The following ZNF624 variants were observed in gnomAD, a reference collection of about 807,000 sequenced individuals.
ZNF624 encodes zinc finger protein 624.
In ZNF624, 43 loss-of-function variants were observed where a neutral mutation model predicts 74.7. The ratio of observed to expected loss-of-function variants is 0.58; its 90% CI spans 0.45 to 0.74. The LOEUF (loss-of-function observed/expected upper bound fraction) is 0.74, where lower values mean the gene tolerates loss of function less well. Among genes scored for constraint, ZNF624 ranks in the 30% least tolerant of loss-of-function variants. The pLI is 0.00. For synonymous variants in ZNF624, 331 were observed against 341.3 expected (o/e 0.97, Z 0.33); for missense variants, 820 against 1,030.0 (o/e 0.80, Z 2.79).
intron 3 of ZNF624, among the ~76,000 whole-genome samples, chr17:16,635,560 T>C (rs911712189): frequency 6.6e-6 from 1 of 152,144 alleles, no homozygotes; most frequent in Admixed American, 6.5e-5. Flanking sequence ...GGAACTATTT[T>C]GAGTGACTTT....
downstream of ZNF624, chr17:16,617,909 T>TG: frequency 6.8e-7 from 1 of 1,473,624 alleles, no homozygotes; most frequent in Non-Finnish European, 9.3e-7. Context: ...GCCCAAGGGC[T>TG]GGTTGTGGAA....
intron 4 of ZNF624, 95 bp from the exon 5 acceptor site, chr17:16,634,052 C>T (rs1909268851): frequency 1.0e-6 from 1 of 953,962 alleles, no homozygotes; most frequent in Non-Finnish European, 1.6e-6. Context: ...GGCAGAATGA[C>T]CATTACAGGA....
chr17:16,622,677 C>A lies in ZNF624; in HGVS notation c.2209G>T (p.Val737Leu). The A allele has an allele frequency of 6.2e-7, 1 of 1,613,908 alleles. No homozygotes were observed. The highest frequency in any genetic ancestry group is 8.5e-7 in the Non-Finnish European group (1 of 1,179,948). Residue 737 changes from valine to leucine, a missense_variant, in exon 6 of 6, where the codon GTA (valine) becomes TTA (leucine). By Grantham distance (32) the Val-to-Leu change is conservative (BLOSUM62 1). Transcript: ENST00000311331. ...NDCGKAFSQM[V>L]HVTEHQKIHS... ...ATTTTCTGATGTTCTGTGACATGTA[C>A]CATCTGGCTAAATGCTTTCCCACAG...
chr17:16,632,876 A>C (rs1419340468), intron 5 of ZNF624, among the ~76,000 whole-genome samples: 1 of 152,190 alleles, frequency 6.6e-6, no homozygotes, highest in Non-Finnish European at 1.5e-5. Flanking sequence ...CTTATTCTGT[A>C]CCAGTTTCCC....
chr17:16,644,567 T>C (rs1255362297), intron 3 of ZNF624, among the ~76,000 whole-genome samples: 1 of 152,210 alleles, frequency 6.6e-6, no homozygotes, highest in African/African-American at 2.4e-5. Context: ...CCAGAAATCA[T>C]AAGCCTCATA....
intron 3 of ZNF624, among the ~76,000 whole-genome samples, chr17:16,643,076 G>T (rs1477715036): frequency 1.3e-5 from 2 of 152,212 alleles, no homozygotes; most frequent in Non-Finnish European, 2.9e-5. Flanking sequence ...TTGCTGGTGG[G>T]AATGTAATAT....
At chr17:16,619,408 G>A (rs778684050), downstream of ZNF624, among the ~76,000 whole-genome samples, 1 of 152,118 alleles carries the variant, frequency 6.6e-6, no homozygotes, top group Non-Finnish European at 1.5e-5. Context: ...AGAGTGAAAA[G>A]GTAAGCTGCA....
Position 16,623,145 on chromosome 17 carries a change from C to A in ZNF624, c.1741G>T (p.Glu581Ter). The change falls in exon 6 of 6, where the codon GAG (glutamate) becomes TAG (stop). Residue 581 changes from glutamate (E) to a stop codon, truncating the protein, a stop_gained. Transcript: ENST00000311331. LOFTEE classifies it high-confidence loss of function. The surrounding 1 kb of genome is among the most constrained non-coding windows in gnomAD (Gnocchi z 5.3). Reference protein sequence around the residue: ...LIIHQRIHTEEKPYLCNECGE... With the variant: ...LIIHQRIHTE ...CATTCATTGCACAGATAAGGTTTCT[C>A]TTCAGTATGAATACGCTGATGTATA... is the stretch of plus-strand genomic sequence containing the variant. 6.2e-7 allele frequency: 1 copy of A among 1,613,974 alleles called. No homozygotes were observed. Among genetic ancestry groups the A allele is most frequent in the Non-Finnish European group, 8.5e-7 (1 of 1,179,954 alleles).
At chr17:16,633,748 T>G in intron 5 of ZNF624, 114 bp downstream of exon 5, 9 of 755,724 alleles carry the variant, frequency 1.2e-5, no homozygotes, top group Non-Finnish European at 1.7e-5. Context: ...TCTCTTCCTC[T>G]GAGACAGCGT....
chr17:16,649,099 G>A (rs936810350), intron 2 of ZNF624, among the ~76,000 whole-genome samples: 3 of 152,022 alleles, frequency 2.0e-5, no homozygotes, highest in Non-Finnish European at 4.4e-5. Context: ...CCCAAATAAT[G>A]TAATTATTAC....
At chr17:16,651,245 G>A (rs753787569) in intron 1 of ZNF624, among the ~76,000 whole-genome samples, 5 of 151,890 alleles carry the variant, frequency 3.3e-5, no homozygotes, top group Non-Finnish European at 5.9e-5. Flanking sequence ...TGGCTGACAC[G>A]GTGAAACCCT....
intron 5 of ZNF624, among the ~76,000 whole-genome samples, chr17:16,626,437 A>T (rs1909074494): frequency 6.6e-6 from 1 of 151,956 alleles, no homozygotes; most frequent in Non-Finnish European, 1.5e-5. Context: ...TATCTGATAA[A>T]AAAAAAAGTT....
intron 5 of ZNF624, among the ~76,000 whole-genome samples, chr17:16,630,362 A>G (rs9906728): frequency 0.23 from 35,182 of 151,800 alleles, 4,545 homozygotes; most frequent in East Asian, 0.35. Context: ...ATCCAGACCA[A>G]CCTAGCCAAC....
Position 16,623,200 on chromosome 17 carries a change from T to G in ZNF624, c.1686A>C (p.Gly562=). 2 of 1,613,912 alleles carry G rather than the reference T, an allele frequency of 1.2e-6. No homozygotes were observed. Among genetic ancestry groups the G allele is most frequent in the Non-Finnish European group, 1.7e-6 (2 of 1,179,920 alleles). Residue 562 remains glycine, a synonymous_variant, in exon 6 of 6, where the codon GGA becomes GGC. Transcript: ENST00000311331. This position sits in a 1 kb window ranked among gnomAD's most constrained non-coding sequence, Gnocchi z 5.3. ...GEKPYKCTEC[G]KAFMRSSSLI... ...GAGAAGAAGAACGCATGAAGGCCTT[T>G]CCACATTCAGTACATTTATAAGGTT...
chr17:16,624,943 G>A (rs1287107427), intron 5 of ZNF624, among the ~76,000 whole-genome samples: 2 of 150,134 alleles, frequency 1.3e-5, no homozygotes, highest in Non-Finnish European at 3.0e-5. Flanking sequence ...AGGCTGAGGT[G>A]GGAGGACTGC....
downstream of ZNF624, chr17:16,617,832 G>A: frequency 6.2e-7 from 1 of 1,611,526 alleles, no homozygotes; most frequent in Non-Finnish European, 8.5e-7. Flanking sequence ...GCGCTGGATG[G>A]CCTTCTCCTG....
chr17:16,633,486 G>A (rs1343817555), intron 5 of ZNF624, among the ~76,000 whole-genome samples: 1 of 152,130 alleles, frequency 6.6e-6, no homozygotes, highest in Non-Finnish European at 1.5e-5. Flanking sequence ...GGACCCTTAT[G>A]GAAGCATTTT....
chr17:16,617,077 T>C, downstream of ZNF624: 1 of 1,612,262 alleles, frequency 6.2e-7, no homozygotes, highest in Non-Finnish European at 8.5e-7. Flanking sequence ...ATATTTCTCA[T>C]ACTCATCCTT....
chr17:16,620,364 A>G (rs1168672251), downstream of ZNF624, among the ~76,000 whole-genome samples: 1 of 152,112 alleles, frequency 6.6e-6, no homozygotes, highest in African/African-American at 2.4e-5. Flanking sequence ...TCATCATGCA[A>G]AGTTCAGAAG....
Sources: gnomAD v4.1 joint callset for allele counts (sites outside exome capture counted in the v4.1 genomes callset) on GRCh38, gnomAD v4.1.1 for gene constraint, Gnocchi (gnomAD v3.1) non-coding constraint, MANE v1.5 for transcripts, NCBI Gene and HGNC (gene_info 2026-07-23, HGNC 2026-07-21) for gene names.